PTPN13: variants seen among roughly 807,000 people sequenced by gnomAD.
PTPN13 encodes protein tyrosine phosphatase non-receptor type 13.
In PTPN13, 191 loss-of-function variants were observed where a neutral mutation model predicts 284.0. The ratio of observed to expected loss-of-function variants is 0.67; its 90% CI spans 0.60 to 0.76. The LOEUF is 0.76. PTPN13 is among the 30% of genes least tolerant of loss of function. The pLI, the probability that PTPN13 is intolerant of heterozygous loss-of-function variation, is 0.00. For missense variants in PTPN13, 2,797 were observed against 2,939.9 expected, an observed-to-expected ratio of 0.95 and a Z score of 1.12; for synonymous variants, 986 against 1,022.3, an observed-to-expected ratio of 0.96 and a Z score of 0.68.
intron 17 of PTPN13, 48 bp downstream of exon 17, chr4:86,745,176 T>G: frequency 6.5e-7 from 1 of 1,536,460 alleles, no homozygotes; most frequent in Non-Finnish European, 8.8e-7. Context: ...ATATGAATAA[T>G]TTTTGCCACC....
In PTPN13 at chr4:86,701,426, C is replaced by G; in HGVS notation, c.820C>G (p.Pro274Ala). ...TGAAGATTCTGAAAATACATTCTCC[C>G]CTTACCAGTTCAAAACTAGTGGCCC... ...GREDSENTFSPYQFKTSGPEK... is the reference protein window; with the variant it reads ...GREDSENTFSAYQFKTSGPEK... Residue 274 changes from proline (P) to alanine (A), a missense_variant, in exon 7 of 48, where the codon CCT (proline) becomes GCT (alanine). Physicochemically the swap from Pro to Ala is conservative, Grantham distance 27 (BLOSUM62 -1). Coordinates refer to ENST00000411767, the MANE Select transcript of PTPN13 (RefSeq NM_080683.3). The G allele has an allele frequency of 2.5e-6, 4 of 1,613,674 alleles. No individual in the cohort carries two copies. The highest frequency in any genetic ancestry group is 3.4e-6 in the Non-Finnish European group (4 of 1,179,734).
In PTPN13 at chr4:86,741,567, C is replaced by G. The variant is rs1473167693; in HGVS notation, c.2305-67C>G. On this transcript the variant is annotated intron_variant, in intron 15 of 47. Transcript: ENST00000411767. Reference sequence around the variant, plus strand: ...GGGGACACGGCCAAACCATATCATACAGCTTCAATATCTTTATGTCACCAT... The same window carrying G: ...GGGGACACGGCCAAACCATATCATAGAGCTTCAATATCTTTATGTCACCAT... 5 of 1,411,852 alleles carry G rather than the reference C, an allele frequency of 3.5e-6. No homozygotes were observed. In the South Asian group the frequency reaches 6.6e-5, roughly 19 times the overall value. The allele number at this position is 1,411,852 out of a possible 1,614,324, so 87.5% of individuals were successfully genotyped here.
chr4:86,772,777 G>A lies in PTPN13; in HGVS notation c.5169-1G>A. 6.2e-7 allele frequency: 1 copy of A among 1,600,418 alleles called. No homozygotes were observed. Among genetic ancestry groups the A allele is most frequent in the Non-Finnish European group, 8.5e-7 (1 of 1,175,416 alleles). ...ATAGTCTTACTTCTTTGTCTCTGTA[G>A]TAATCCTTCCCCTCTACCACCGGAT... On this transcript the variant is annotated splice_acceptor_variant, in intron 31 of 47. Coordinates refer to ENST00000411767, the MANE Select transcript of PTPN13 (RefSeq NM_080683.3). LOFTEE classifies it high-confidence loss of function.
intron 3 of PTPN13, among the ~76,000 whole-genome samples, chr4:86,684,792 A>G (rs192692568): frequency 7.2e-5 from 11 of 152,316 alleles, no homozygotes; most frequent in African/African-American, 2.2e-4. Context: ...AAAACGAAAC[A>G]ACAACAACAA....
intron 5 of PTPN13, chr4:86,689,625 T>C (rs1398039784): frequency 3.0e-5 from 21 of 702,024 alleles, no homozygotes; most frequent in Middle Eastern, 2.3e-4. Flanking sequence ...TCTAGGTATT[T>C]CCCAAACCTT....
chr4:86,715,441 TGGGAGC>T (rs1565395904), intron 7 of PTPN13, among the ~76,000 whole-genome samples: 1 of 152,110 alleles, frequency 6.6e-6, no homozygotes, highest in Non-Finnish European at 1.5e-5. Flanking sequence ...TAAATGTAGT[TGGGAGC>T]CAGGCGTGGT....
chr4:86,666,271 C>T (rs574592113), intron 2 of PTPN13, among the ~76,000 whole-genome samples: 20 of 151,364 alleles, frequency 1.3e-4, no homozygotes, highest in African/African-American at 4.1e-4. Flanking sequence ...ATTGAAGCAG[C>T]GTCATTGTCT....
intron 36 of PTPN13, among the ~76,000 whole-genome samples, chr4:86,780,866 A>G (rs1011645678): frequency 2.0e-5 from 3 of 152,252 alleles, no homozygotes; most frequent in African/African-American, 4.8e-5. Flanking sequence ...CCAGAGCATA[A>G]GAGAAATAGT....
chr4:86,703,703 CA>C (rs1038988822), intron 7 of PTPN13, among the ~76,000 whole-genome samples: 1 of 151,710 alleles, frequency 6.6e-6, no homozygotes, highest in East Asian at 1.9e-4. Flanking sequence ...CTCATATCTA[CA>C]AAAAAAATTT....
At position 86,689,072 on chromosome 4, in the gene PTPN13, G is replaced by A. The variant is rs374951961; in HGVS notation, c.428G>A (p.Arg143Gln). The change falls in exon 5 of 48, where the codon CGA becomes CAA. Residue 143 changes from arginine to glutamine, a missense_variant. Physicochemically the swap from Arg to Gln is conservative, Grantham distance 43. Coordinates refer to ENST00000411767, the MANE Select transcript of PTPN13 (RefSeq NM_080683.3). ...ATGTGTGAGGATGTTATTTACGCTC[G>A]AGTTTCTGTTCGGACTGTGCTGGAT... is the stretch of plus-strand genomic sequence containing the variant. ...LGMCEDVIYA[R>Q]VSVRTVLDAC... 73 of 1,595,720 alleles carry A rather than the reference G, an allele frequency of 4.6e-5. No individual in the cohort carries two copies. The highest frequency in any genetic ancestry group is 5.2e-5 in the Non-Finnish European group (61 of 1,163,446).
At chr4:86,722,524 C>T in intron 10 of PTPN13, 90 bp downstream of exon 10, 1 of 987,238 alleles carries the variant, frequency 1.0e-6, no homozygotes, top group Non-Finnish European at 1.6e-6. Context: ...TACAGGTATC[C>T]ATCTAAAGTT....
chr4:86,610,032 G>A (rs554459149), intron 1 of PTPN13, among the ~76,000 whole-genome samples: 174 of 152,060 alleles, frequency 1.1e-3, no homozygotes, highest in Non-Finnish European at 8.7e-4. Flanking sequence ...GATTCAACAT[G>A]GTGAAACCCC....
intron 20 of PTPN13, among the ~76,000 whole-genome samples, chr4:86,755,256 A>T (rs1385226578): frequency 2.0e-5 from 3 of 152,164 alleles, no homozygotes; most frequent in South Asian, 2.1e-4. Flanking sequence ...AAGAAAAGAT[A>T]AAAAAGTCAT....
intron 25 of PTPN13, 58 bp downstream of exon 25, chr4:86,764,782 G>A (rs367746985): frequency 1.3e-6 from 2 of 1,529,906 alleles, no homozygotes; most frequent in South Asian, 2.6e-5. Flanking sequence ...GCAGCCTATT[G>A]TATGTCAACT....
At chr4:86,671,775 A>C (rs190145262) in intron 2 of PTPN13, among the ~76,000 whole-genome samples, 1 of 152,264 alleles carries the variant, frequency 6.6e-6, no homozygotes, top group South Asian at 2.1e-4. Context: ...AAGACATTTC[A>C]TTGTAGTTAG....
intron 2 of PTPN13, among the ~76,000 whole-genome samples, chr4:86,668,285 T>C (rs2148878021): frequency 6.6e-6 from 1 of 152,342 alleles, no homozygotes; most frequent in Middle Eastern, 3.4e-3. Context: ...AGCATTTTTT[T>C]GAAGGATTTT....
At chr4:86,596,988 G>A (rs1404136562) in intron 1 of PTPN13, among the ~76,000 whole-genome samples, 2 of 152,090 alleles carry the variant, frequency 1.3e-5, no homozygotes, top group African/African-American at 4.8e-5. Flanking sequence ...TATGCTTTGG[G>A]AGAACTCTGT....
chr4:86,713,176 G>A (rs1287286852), intron 7 of PTPN13, among the ~76,000 whole-genome samples: 1 of 151,974 alleles, frequency 6.6e-6, no homozygotes, highest in African/African-American at 2.4e-5. Context: ...AAACCATACT[G>A]CCTGTTTAGA....
intron 17 of PTPN13, among the ~76,000 whole-genome samples, chr4:86,748,599 T>A (rs1234662030): frequency 1.3e-5 from 2 of 152,198 alleles, no homozygotes; most frequent in African/African-American, 2.4e-5. Context: ...GTAAAGTAAA[T>A]GAAAATAGAA....
Sources: allele counts gnomAD v4.1 joint callset (sites outside exome capture counted in the v4.1 genomes callset), GRCh38; gene constraint gnomAD v4.1.1; transcripts MANE v1.5; gene names NCBI Gene and HGNC (gene_info 2026-07-23, HGNC 2026-07-21).